The following SORCS2 variants were observed in gnomAD, a reference collection of about 807,000 sequenced individuals.
The protein encoded by SORCS2 is VPS10 domain-containing receptor SorCS2.
Under a neutral mutation model 141.6 loss-of-function variants are expected in SORCS2, and 100 were observed. The observed-to-expected ratio is 0.71, with a 90% CI of 0.60 to 0.83. The LOEUF is 0.83. Ranked by LOEUF, SORCS2 falls within the 40% of genes least tolerant of loss-of-function variation. The pLI is 0.00. For synonymous variants in SORCS2, 789 were observed against 676.9 expected (o/e 1.17, Z -2.57); for missense variants, 1,646 against 1,560.2 (o/e 1.05, Z -0.93).
At chr4:7,424,020 T>C (rs1482884312) in intron 2 of SORCS2, among the ~76,000 whole-genome samples, 1 of 152,160 alleles carries the variant, frequency 6.6e-6, no homozygotes, top group Non-Finnish European at 1.5e-5. Flanking sequence ...TGTCCTGGCA[T>C]CCGTGGGTCT....
At chr4:7,675,649 G>A (rs949959042) in intron 8 of SORCS2, among the ~76,000 whole-genome samples, 1 of 152,188 alleles carries the variant, frequency 6.6e-6, no homozygotes, top group Non-Finnish European at 1.5e-5. Context: ...GCTGTGGATA[G>A]GAGGAGAGGG....
At chr4:7,214,181 C>T (rs1471149340) in intron 1 of SORCS2, among the ~76,000 whole-genome samples, 1 of 152,132 alleles carries the variant, frequency 6.6e-6, no homozygotes, top group Non-Finnish European at 1.5e-5. Context: ...GCTTGAAACC[C>T]TCCTAAACTC....
chr4:7,641,814 ATGGG>A lies in SORCS2; in HGVS notation c.813+3330_813+3333del, dbSNP rs1470507296. ...GATGGATGGATGGATGGATGGATGGATGGGTGGGTGGATGGATGGATGGGTGGAT... is the reference window on the plus strand; with the variant it reads ...GATGGATGGATGGATGGATGGATGGATGGGTGGATGGATGGATGGGTGGAT... On this transcript the variant is annotated intron_variant, in intron 4 of 26. Coordinates refer to ENST00000507866, the MANE Select transcript of SORCS2 (RefSeq NM_020777.3). Among the ~76,000 whole-genome samples, 131 of 108,336 alleles carry A rather than the reference ATGGG, an allele frequency of 1.2e-3. 1 individual carries two copies. Among genetic ancestry groups the A allele is most frequent in the African/African-American group, 4.2e-3 (117 of 27,888 alleles). The allele number at this position is 108,336 out of a possible 152,430, so 71.1% of individuals were successfully genotyped here.
intron 1 of SORCS2, among the ~76,000 whole-genome samples, chr4:7,349,204 G>C: frequency 6.6e-6 from 1 of 152,194 alleles, no homozygotes; most frequent in African/African-American, 2.4e-5. Flanking sequence ...CATGGCTGGT[G>C]CTGGAACTCC....
intron 3 of SORCS2, among the ~76,000 whole-genome samples, chr4:7,545,958 A>G (rs1338715146): frequency 6.6e-6 from 1 of 152,212 alleles, no homozygotes; most frequent in Non-Finnish European, 1.5e-5. Context: ...TTCCTAGTTT[A>G]CAGGTGGCTG....
At chr4:7,394,806 G>A (rs1310105490) in intron 1 of SORCS2, among the ~76,000 whole-genome samples, 1 of 152,116 alleles carries the variant, frequency 6.6e-6, no homozygotes, top group East Asian at 1.9e-4. Context: ...ACCCCCCGAG[G>A]CCAGGGCAGA....
At chr4:7,383,739 C>CA in intron 1 of SORCS2, among the ~76,000 whole-genome samples, 1 of 152,132 alleles carries the variant, frequency 6.6e-6, no homozygotes, top group African/African-American at 2.4e-5. Context: ...AAAAACAAAA[C>CA]AAAAAAACCA....
intron 1 of SORCS2, among the ~76,000 whole-genome samples, chr4:7,375,582 C>T (rs536902980): frequency 3.4e-4 from 52 of 152,340 alleles, no homozygotes; most frequent in Admixed American, 8.5e-4. Flanking sequence ...ATTGCACTTC[C>T]TCGATTGCAT....
chr4:7,681,799 G>A lies in SORCS2; in HGVS notation c.1342-944G>A, dbSNP rs146182924. ...TAGAAGCACTTAATAACTGTATGCC[G>A]TTACTATCCTAGAGGGAATCTTTGG... On this transcript the variant is annotated intron_variant, in intron 9 of 26. Coordinates refer to ENST00000507866, the MANE Select transcript of SORCS2 (RefSeq NM_020777.3). Among the ~76,000 whole-genome samples, 332 of 152,310 alleles carry A rather than the reference G, an allele frequency of 2.2e-3. 1 individual carries two copies. Among genetic ancestry groups the A allele is most frequent in the African/African-American group, 7.1e-3 (295 of 41,562 alleles).
intron 24 of SORCS2, 102 bp downstream of exon 24, chr4:7,733,523 C>G (rs1424490267): frequency 2.1e-6 from 2 of 943,274 alleles, no homozygotes; most frequent in African/African-American, 1.7e-5. Flanking sequence ...CCCGTATCCC[C>G]CTCCTGGTGG....
At chr4:7,603,916 T>G (rs1488452178) in intron 3 of SORCS2, among the ~76,000 whole-genome samples, 1 of 152,038 alleles carries the variant, frequency 6.6e-6, no homozygotes, top group Non-Finnish European at 1.5e-5. Flanking sequence ...AGTTTACACA[T>G]CTTTGGGAGA....
rs927938938 is a variant in SORCS2 at position 7,193,787 on chromosome 4, G to T, written c.480+661G>T. On this transcript the variant is annotated intron_variant, in intron 1 of 26. Coordinates refer to ENST00000507866, the MANE Select transcript of SORCS2 (RefSeq NM_020777.3). The surrounding 1 kb of genome is among the most constrained non-coding windows in gnomAD (Gnocchi z 4.8). Reference sequence around the variant, plus strand: ...ACACTGTGCTGGAGACCTGTGTGGCGCTGGCACAGCAAACTCCCTGCCCTC... The same window carrying T: ...ACACTGTGCTGGAGACCTGTGTGGCTCTGGCACAGCAAACTCCCTGCCCTC... Among the ~76,000 whole-genome samples, 2 of 152,230 alleles carry T rather than the reference G, an allele frequency of 1.3e-5. No homozygotes were observed. Among genetic ancestry groups the T allele is most frequent in the East Asian group, 3.9e-4 (2 of 5,158 alleles).
chr4:7,449,944 T>G (rs1219414570), intron 2 of SORCS2, among the ~76,000 whole-genome samples: 1 of 152,134 alleles, frequency 6.6e-6, no homozygotes, highest in African/African-American at 2.4e-5. Context: ...TCCTTGAAAT[T>G]AGTTAAACAA....
intron 1 of SORCS2, among the ~76,000 whole-genome samples, chr4:7,226,178 G>A (rs1186833584): frequency 6.6e-6 from 1 of 152,190 alleles, no homozygotes; most frequent in African/African-American, 2.4e-5. Flanking sequence ...CTGAGGGAGT[G>A]TCTATGGTGG....
intron 1 of SORCS2, among the ~76,000 whole-genome samples, chr4:7,195,207 A>C: frequency 2.0e-5 from 2 of 98,712 alleles, no homozygotes; most frequent in Non-Finnish European, 4.0e-5. Flanking sequence ...TTGTGGGGGG[A>C]GGATTGTGGG....
intron 1 of SORCS2, among the ~76,000 whole-genome samples, chr4:7,273,745 A>C (rs1715290876): frequency 6.6e-6 from 1 of 152,232 alleles, no homozygotes; most frequent in Non-Finnish European, 1.5e-5. Flanking sequence ...CTGGACATCC[A>C]GGGGTAAAAG....
intron 12 of SORCS2, among the ~76,000 whole-genome samples, chr4:7,700,031 G>A (rs529658180): frequency 1.2e-4 from 18 of 152,210 alleles, no homozygotes; most frequent in Non-Finnish European, 1.5e-4. Flanking sequence ...CATCTGTCCC[G>A]GGGCCTCTCC....
intron 1 of SORCS2, among the ~76,000 whole-genome samples, chr4:7,239,941 G>A (rs754840808): frequency 6.6e-6 from 1 of 152,170 alleles, no homozygotes; most frequent in African/African-American, 2.4e-5. Flanking sequence ...ATCTTGTGCC[G>A]TCTGTTTGGC....
At chr4:7,585,618 C>T (rs1363105940) in intron 3 of SORCS2, among the ~76,000 whole-genome samples, 1 of 152,240 alleles carries the variant, frequency 6.6e-6, no homozygotes, top group East Asian at 1.9e-4. Flanking sequence ...ATCACCATTT[C>T]ATCTTCTATC....
Sources: gnomAD v4.1 joint callset for allele counts (sites outside exome capture counted in the v4.1 genomes callset) on GRCh38, gnomAD v4.1.1 for gene constraint, Gnocchi (gnomAD v3.1) non-coding constraint, MANE v1.5 for transcripts, NCBI Gene and HGNC (gene_info 2026-07-23, HGNC 2026-07-21) for gene names.